TRAPPC11: variants seen among roughly 807,000 people sequenced by gnomAD.
The protein encoded by TRAPPC11 is trafficking protein particle complex subunit 11.
In TRAPPC11, 104 loss-of-function variants were observed where a neutral mutation model predicts 151.2. That is an observed-to-expected ratio of 0.69 (90% confidence interval 0.59 to 0.81). The LOEUF is 0.81. Ranked by LOEUF, TRAPPC11 falls within the 30% of genes least tolerant of loss-of-function variation. The pLI is 0.00. For synonymous variants in TRAPPC11, 456 were observed against 472.3 expected (o/e 0.97, Z 0.45); for missense variants, 1,230 against 1,349.6 (o/e 0.91, Z 1.39).
In TRAPPC11 at chr4:183,697,849, A is replaced by T. The variant is rs1376944126; in HGVS notation, c.2851+14A>T. On this transcript the variant is annotated intron_variant, in intron 25 of 29. Coordinates refer to ENST00000334690, the MANE Select transcript of TRAPPC11 (RefSeq NM_021942.6). ...AAGTGGACAATGGTGAGTCTGGTTC[A>T]TTCCCACTTAAAGACCAGGAGAATT... 1 of 1,609,966 alleles carries T rather than the reference A, an allele frequency of 6.2e-7. No individual in the cohort carries two copies. The highest frequency in any genetic ancestry group is 8.5e-7 in the Non-Finnish European group (1 of 1,178,146).
At chr4:183,676,582 G>A (rs1395651937) in intron 7 of TRAPPC11, among the ~76,000 whole-genome samples, 2 of 152,214 alleles carry the variant, frequency 1.3e-5, no homozygotes, top group Non-Finnish European at 2.9e-5. Flanking sequence ...CCTGTTTTGA[G>A]ATTTCCTCAT....
At chr4:183,663,090 A>G (rs985582668) in intron 1 of TRAPPC11, among the ~76,000 whole-genome samples, 26 of 151,958 alleles carry the variant, frequency 1.7e-4, no homozygotes, top group Non-Finnish European at 3.8e-4. Flanking sequence ...TTTTTGAGAC[A>G]GAGTCTCACT....
rs903232136 is a variant in TRAPPC11 at position 183,694,485 on chromosome 4, T to C, written c.2509-119T>C. ...ACATTGTAACATTCTGTAAAAGTGA[T>C]AAAGAATTTAGCCAGTTGGTATAAA... On this transcript the variant is annotated intron_variant, in intron 22 of 29. Transcript: ENST00000334690. 4.9e-6 allele frequency: 5 copies of C among 1,012,256 alleles called. No individual in the cohort carries two copies. In the African/African-American group the frequency reaches 8.1e-5, roughly 16 times the overall value. The allele number at this position is 1,012,256 out of a possible 1,614,324, so 62.7% of individuals were successfully genotyped here.
intron 15 of TRAPPC11, 30 bp downstream of exon 15, chr4:183,684,871 T>A: frequency 6.3e-7 from 1 of 1,589,884 alleles, no homozygotes; most frequent in Non-Finnish European, 8.6e-7. Flanking sequence ...GTAAAATTCT[T>A]GATACATAAA....
intron 23 of TRAPPC11, 75 bp from the exon 24 acceptor site, chr4:183,697,428 T>G (rs1736590070): frequency 1.5e-6 from 2 of 1,329,428 alleles, no homozygotes; most frequent in Admixed American, 4.4e-5. Flanking sequence ...TGATCAGTGA[T>G]AGGTTGTGTT....
In TRAPPC11 at chr4:183,693,023, G is replaced by A. The variant is rs763249909; in HGVS notation, c.2113G>A (p.Gly705Arg). Residue 705 changes from glycine to arginine, a missense_variant, in exon 20 of 30, where the codon GGA becomes AGA. Gly to Arg is a moderately radical substitution (Grantham distance 125). Coordinates refer to ENST00000334690, the MANE Select transcript of TRAPPC11 (RefSeq NM_021942.6). The part of the protein sequence containing the change: ...TGRCVVLNWQ[G>R]GGGDAASSQE... ...AAGATGTGTGGTTTTAAATTGGCAG[G>A]GAGGAGGAGGAGATGCTGCTTCCTC... The A allele has an allele frequency of 7.4e-6, 12 of 1,611,914 alleles. No individual in the cohort carries two copies. The highest frequency in any genetic ancestry group is 1.0e-5 in the Non-Finnish European group (12 of 1,178,630).
At chr4:183,665,677 A>G (rs980060409) in intron 2 of TRAPPC11, among the ~76,000 whole-genome samples, 1 of 152,176 alleles carries the variant, frequency 6.6e-6, no homozygotes, top group African/African-American at 2.4e-5. Flanking sequence ...CTAACACTCA[A>G]ATCTACAGCA....
chr4:183,661,757 CTTTTT>C (rs562308106), intron 1 of TRAPPC11, among the ~76,000 whole-genome samples: 12 of 100,106 alleles, frequency 1.2e-4, no homozygotes, highest in African/African-American at 1.6e-4. Context: ...TTTGGAATAA[CTTTTT>C]TTTTTTTTTT....
At chr4:183,706,984 G>A in intron 28 of TRAPPC11, 44 bp downstream of exon 28, 2 of 1,600,940 alleles carry the variant, frequency 1.2e-6, no homozygotes, top group Non-Finnish European at 1.7e-6. Context: ...ACAAAAGTGT[G>A]CCAGGAAACG....
At chr4:183,695,851 G>C (rs1289535564) in intron 23 of TRAPPC11, among the ~76,000 whole-genome samples, 1 of 152,120 alleles carries the variant, frequency 6.6e-6, no homozygotes, top group Non-Finnish European at 1.5e-5. Context: ...ATTTCTCATA[G>C]CCTGGTATAA....
intron 25 of TRAPPC11, among the ~76,000 whole-genome samples, chr4:183,699,745 C>T (rs1736710904): frequency 6.6e-6 from 1 of 152,196 alleles, no homozygotes; most frequent in Non-Finnish European, 1.5e-5. Context: ...TAGAGGTCAC[C>T]TGCACTCCTC....
rs530411873 is a variant in TRAPPC11, at chr4:183,684,777, G to T, written c.1503G>T (p.Lys501Asn). ...LLTSVLTTAL[K>N]CSYLMAQLKD... The stretch of plus-strand genomic sequence containing the variant: ...CTTCTGTATTAACTACAGCTCTGAA[G>T]TGCTCCTACCTCATGGCCCAATTAA... The change falls in exon 15 of 30, where the codon AAG (lysine) becomes AAT (asparagine). Residue 501 changes from lysine (K) to asparagine (N), a missense_variant. Transcript: ENST00000334690. 6.2e-7 allele frequency: 1 copy of T among 1,613,946 alleles called. No individual in the cohort carries two copies. The highest frequency in any genetic ancestry group is 8.5e-7 in the Non-Finnish European group (1 of 1,179,894).
At chr4:183,693,431 C>T (rs1395840925) in intron 20 of TRAPPC11, among the ~76,000 whole-genome samples, 158 bp from the exon 21 acceptor site, 1 of 152,182 alleles carries the variant, frequency 6.6e-6, no homozygotes, top group Non-Finnish European at 1.5e-5. Flanking sequence ...GTTTCAAACT[C>T]CTGGGCTCAA....
intron 5 of TRAPPC11, among the ~76,000 whole-genome samples, chr4:183,673,502 C>T (rs1302178913): frequency 1.3e-5 from 2 of 151,780 alleles, no homozygotes; most frequent in Admixed American, 6.6e-5. Flanking sequence ...GGTGAAACCC[C>T]GTCTCTACAA....
rs536649309 is a variant in TRAPPC11, at chr4:183,708,315, C to T, written c.3190-92C>T. ...TATTTCAGTAGAAGGATTTGGTTAT[C>T]CAATCTTTTGTAAATAATTGAGGGT... On this transcript the variant is annotated intron_variant, in intron 28 of 29. Transcript: ENST00000334690. 64 of 1,340,340 alleles carry T rather than the reference C, an allele frequency of 4.8e-5. No individual in the cohort carries two copies. In the African/African-American group the frequency reaches 8.5e-4, roughly 18 times the overall value. 83.0% of individuals were successfully genotyped at this position (1,340,340 alleles called of 1,614,324 possible).
chr4:183,663,889 T>A lies in TRAPPC11; in HGVS notation c.22T>A (p.Phe8Ile). The change falls in exon 2 of 30, where the codon TTC (phenylalanine) becomes ATC (isoleucine). Residue 8 changes from phenylalanine to isoleucine, a missense_variant. Phe to Ile is a conservative substitution (Grantham distance 21). Coordinates refer to ENST00000334690, the MANE Select transcript of TRAPPC11 (RefSeq NM_021942.6). MSPTQWD[F>I]PVELCCRPMA... is the part of the protein sequence containing the mutation. Reference sequence around the variant, plus strand: ...AAACATGAGCCCCACACAGTGGGACTTCCCTGTGGAATTATGTTGCCGGCC... The same window carrying A: ...AAACATGAGCCCCACACAGTGGGACATCCCTGTGGAATTATGTTGCCGGCC... 6.2e-7 allele frequency: 1 copy of A among 1,614,086 alleles called. No individual in the cohort carries two copies. The highest frequency in any genetic ancestry group is 2.2e-5 in the East Asian group (1 of 44,886).
At chr4:183,673,439 C>T (rs1735253488) in intron 5 of TRAPPC11, among the ~76,000 whole-genome samples, 1 of 152,056 alleles carries the variant, frequency 6.6e-6, no homozygotes, top group African/African-American at 2.4e-5. Context: ...TTTGGGAGAT[C>T]GAGGCATTTG....
In TRAPPC11 at chr4:183,684,345, T is replaced by C. The variant is rs1561044282; in HGVS notation, c.1407T>C (p.Tyr469=). 6.2e-7 allele frequency: 1 copy of C among 1,613,612 alleles called. No homozygotes were observed. Among genetic ancestry groups the C allele is most frequent in the Admixed American group, 1.7e-5 (1 of 60,026 alleles). The change falls in exon 14 of 30, where the codon TAT becomes TAC. Residue 469 remains tyrosine, a synonymous_variant. Transcript: ENST00000334690. Reference sequence around the variant, plus strand: ...AGGAATATTATTACGCAAAGGATTATACCAAAGCTTTGAAGTGAGTCCTGT... The same window carrying C: ...AGGAATATTATTACGCAAAGGATTACACCAAAGCTTTGAAGTGAGTCCTGT... ...MGEEYYYAKD[Y]TKALKLLDYV... is the part of the protein sequence containing the mutation.
intron 18 of TRAPPC11, among the ~76,000 whole-genome samples, chr4:183,689,340 A>G (rs1311889417): frequency 1.3e-5 from 2 of 151,868 alleles, no homozygotes; most frequent in Non-Finnish European, 2.9e-5. Flanking sequence ...CTCTGCTTGA[A>G]TTGGTTTGCC....
Sources: allele counts gnomAD v4.1 joint callset (sites outside exome capture counted in the v4.1 genomes callset), GRCh38; gene constraint gnomAD v4.1.1; transcripts MANE v1.5; gene names NCBI Gene and HGNC (gene_info 2026-07-23, HGNC 2026-07-21).